ANK1: variants seen among roughly 807,000 people sequenced by gnomAD.
The protein encoded by ANK1 is ankyrin 1.
In ANK1, 51 loss-of-function variants were observed where a neutral mutation model predicts 210.4. The ratio of observed to expected loss-of-function variants is 0.24; its 90% confidence interval spans 0.19 to 0.31. The LOEUF is 0.31. ANK1 is among the 10% of genes least tolerant of loss of function. The probability of loss-of-function intolerance (pLI) is 1.00; values close to 1 mark genes in which losing one functional copy is unlikely to be tolerated. For synonymous variants in ANK1, 967 were observed against 1,025.9 expected, an observed-to-expected ratio of 0.94 and a Z score of 1.10; for missense variants, 2,051 against 2,504.4, an observed-to-expected ratio of 0.82 and a Z score of 3.86.
rs1003752202 is a variant in ANK1, at chr8:41,719,593, T to C, written c.1107+68A>G. On this transcript the variant is annotated intron_variant, in intron 10 of 42. Coordinates refer to ENST00000289734, the MANE Select transcript of ANK1 (RefSeq NM_000037.4). Reference sequence around the variant, plus strand: ...GCCGCCCTTCCCACAGGCCCAGCCATGCCTCTCTGCTCCTGCCCCCAGCCT... The same window carrying C: ...GCCGCCCTTCCCACAGGCCCAGCCACGCCTCTCTGCTCCTGCCCCCAGCCT... 7 of 1,600,768 alleles carry C rather than the reference T, an allele frequency of 4.4e-6. No individual in the cohort carries two copies. The African/African-American group carries it at 9.4e-5, about 21-fold the overall frequency.
At chr8:41,716,930 C>T in intron 13 of ANK1, 23 bp downstream of exon 13, 1 of 1,610,840 alleles carries the variant, frequency 6.2e-7, no homozygotes, top group South Asian at 1.1e-5. Context: ...TGAAACCCTT[C>T]CCTTCCTGCC....
chr8:41,826,291 T>C (rs1332127068), intron 1 of ANK1, among the ~76,000 whole-genome samples: 1 of 152,152 alleles, frequency 6.6e-6, no homozygotes, highest in East Asian at 1.9e-4. Context: ...AGTTACTCAC[T>C]GTAACTGTCC....
intron 1 of ANK1, among the ~76,000 whole-genome samples, chr8:41,845,536 T>C (rs535859619): frequency 2.6e-5 from 4 of 151,942 alleles, no homozygotes; most frequent in African/African-American, 7.3e-5. Context: ...GGACTGACCA[T>C]GGTGTGGTGC....
At chr8:41,731,264 C>T (rs1229214348) in intron 3 of ANK1, among the ~76,000 whole-genome samples, 2 of 152,212 alleles carry the variant, frequency 1.3e-5, no homozygotes, top group Non-Finnish European at 1.5e-5. Context: ...GGAAAAATTA[C>T]TTAGCTATAT....
At chr8:41,715,504 G>T (rs1362944497) in intron 14 of ANK1, 148 bp downstream of exon 14, 3 of 1,001,782 alleles carry the variant, frequency 3.0e-6, no homozygotes, top group Non-Finnish European at 4.5e-6. Context: ...GCTTGCAGGT[G>T]GTGGCCAGCC....
At chr8:41,716,596 A>G (rs573694887) in intron 13 of ANK1, among the ~76,000 whole-genome samples, 7 of 152,004 alleles carry the variant, frequency 4.6e-5, no homozygotes, top group Admixed American at 1.3e-4. Context: ...GCAAGGGGGA[A>G]CTCTCCAGTT....
chr8:41,739,361 C>A (rs1015252272), intron 2 of ANK1, among the ~76,000 whole-genome samples: 14 of 152,210 alleles, frequency 9.2e-5, no homozygotes, highest in African/African-American at 3.4e-4. Flanking sequence ...TCCATCTACT[C>A]ATGAATGTTA....
intron 1 of ANK1, among the ~76,000 whole-genome samples, chr8:41,821,430 G>A (rs189769065): frequency 8.0e-4 from 122 of 152,072 alleles, no homozygotes; most frequent in African/African-American, 2.8e-3. Flanking sequence ...AGCTCTTTAG[G>A]GGACAGAGAT....
rs1228739646 is a variant in ANK1, at chr8:41,717,046, C to T, written c.1311G>A (p.Val437=). 3.1e-6 allele frequency: 5 copies of T among 1,614,214 alleles called. No individual in the cohort carries two copies. Among genetic ancestry groups the T allele is most frequent in the Non-Finnish European group, 4.2e-6 (5 of 1,180,030 alleles). Residue 437 remains valine (V), a synonymous_variant, in exon 13 of 43, where the codon GTG becomes GTA. Transcript: ENST00000289734. ...GASPNVSNVK[V]ETPLHMAARA... is the part of the protein sequence containing the mutation. ...TGGCTGCCATGTGTAGCGGGGTCTC[C>T]ACTTTCTATAAAATAACAAAATTAT...
At chr8:41,864,303 A>G (rs1020294994) in intron 1 of ANK1, among the ~76,000 whole-genome samples, 5 of 151,734 alleles carry the variant, frequency 3.3e-5, no homozygotes, top group Non-Finnish European at 5.9e-5. Flanking sequence ...CATCAAATGG[A>G]AAATTATTTC....
chr8:41,886,860 A>ATT (rs1818525114), intron 1 of ANK1, among the ~76,000 whole-genome samples: 1 of 152,188 alleles, frequency 6.6e-6, no homozygotes, highest in Non-Finnish European at 1.5e-5. Context: ...GAGTGTCAGG[A>ATT]TCTGATTTGC....
chr8:41,765,931 G>T (rs781309360), intron 1 of ANK1, among the ~76,000 whole-genome samples: 8 of 152,102 alleles, frequency 5.3e-5, no homozygotes, highest in Non-Finnish European at 1.2e-4. Context: ...GAACCCCAGG[G>T]CCTCCTCACA....
intron 38 of ANK1, among the ~76,000 whole-genome samples, chr8:41,670,396 A>C (rs1316339566): frequency 6.6e-6 from 1 of 152,012 alleles, no homozygotes; most frequent in Non-Finnish European, 1.5e-5. Context: ...GCGTTCATGA[A>C]CCCAGTTAGC....
At chr8:41,687,495 C>A (rs776205880) in intron 35 of ANK1, among the ~76,000 whole-genome samples, 1 of 152,222 alleles carries the variant, frequency 6.6e-6, no homozygotes, top group Non-Finnish European at 1.5e-5. Flanking sequence ...CATGACTCCA[C>A]CCTGCACTCT....
upstream of ANK1, chr8:41,797,772 C>T (rs1849072104): frequency 1.8e-6 from 1 of 548,238 alleles, no homozygotes; most frequent in Non-Finnish European, 3.0e-6. The surrounding 1 kb of genome is among the most constrained non-coding windows in gnomAD (Gnocchi z 4.0). Flanking sequence ...CTCCCCCAAC[C>T]CCAGGAGGCC....
intron 33 of ANK1, 67 bp downstream of exon 33, chr8:41,690,160 G>A (rs143462842): frequency 3.1e-6 from 5 of 1,609,702 alleles, no homozygotes; most frequent in Non-Finnish European, 4.2e-6. Context: ...TGGACCTGGG[G>A]TCTGTTTGGG....
intron 13 of ANK1, 24 bp downstream of exon 13, chr8:41,716,929 T>A: frequency 6.2e-7 from 1 of 1,610,502 alleles, no homozygotes. Context: ...CTGAAACCCT[T>A]CCCTTCCTGC....
chr8:41,851,502 C>T (rs561227940), intron 1 of ANK1, among the ~76,000 whole-genome samples: 1 of 152,386 alleles, frequency 6.6e-6, no homozygotes, highest in South Asian at 2.1e-4. Context: ...TGCTGGGCCT[C>T]ACTTCCTGCA....
intron 2 of ANK1, among the ~76,000 whole-genome samples, chr8:41,744,300 T>C (rs550865139): frequency 2.2e-4 from 33 of 152,280 alleles, no homozygotes; most frequent in African/African-American, 5.5e-4. Context: ...GAAGACATGA[T>C]GGAAATGAGG....
Sources: gnomAD v4.1 joint callset for allele counts (sites outside exome capture counted in the v4.1 genomes callset) on GRCh38, gnomAD v4.1.1 for gene constraint, Gnocchi (gnomAD v3.1) non-coding constraint, MANE v1.5 for transcripts, NCBI Gene and HGNC (gene_info 2026-07-23, HGNC 2026-07-21) for gene names.